The following IQCM variants were observed in gnomAD, a reference collection of about 807,000 sequenced individuals.
The protein encoded by IQCM is IQ motif containing M.
Under a neutral mutation model 57.6 loss-of-function variants are expected in IQCM, and 45 were observed. The ratio of observed to expected loss-of-function variants is 0.78; its 90% CI spans 0.62 to 1.00. The LOEUF (loss-of-function observed/expected upper bound fraction) is 1.00. IQCM is among the 50% of genes least tolerant of loss of function. The probability of loss-of-function intolerance (pLI) is 0.00; values close to 1 mark genes in which losing one functional copy is unlikely to be tolerated. For synonymous variants in IQCM, 148 were observed against 158.9 expected (o/e 0.93, Z 0.51); for missense variants, 468 against 511.6 (o/e 0.91, Z 0.82).
At chr4:149,566,041 T>G (rs1460924415) in intron 9 of IQCM, among the ~76,000 whole-genome samples, 1 of 152,228 alleles carries the variant, frequency 6.6e-6, no homozygotes, top group East Asian at 1.9e-4. Flanking sequence ...TTTGTTTGTT[T>G]AAATTAAGAC....
chr4:149,407,741 A>T (rs1257762646), intron 13 of IQCM, among the ~76,000 whole-genome samples: 1 of 152,170 alleles, frequency 6.6e-6, no homozygotes, highest in Non-Finnish European at 1.5e-5. Flanking sequence ...AGTGATGAAC[A>T]GTCAGTTTGG....
chr4:149,422,347 A>G (rs1180366149), intron 13 of IQCM, among the ~76,000 whole-genome samples: 1 of 151,952 alleles, frequency 6.6e-6, no homozygotes, highest in East Asian at 1.9e-4. Flanking sequence ...ACAGGCAACA[A>G]GTTTACAAGG....
chr4:149,383,173 T>C (rs552403564), intron 13 of IQCM, among the ~76,000 whole-genome samples: 6 of 152,172 alleles, frequency 3.9e-5, no homozygotes, highest in Admixed American at 6.6e-5. Flanking sequence ...GATTTTGATG[T>C]CTGGTTAGAT....
At chr4:149,483,797 G>C (rs551244351) in intron 12 of IQCM, among the ~76,000 whole-genome samples, 1 of 151,866 alleles carries the variant, frequency 6.6e-6, no homozygotes, top group Non-Finnish European at 1.5e-5. Flanking sequence ...TTTTTCTATA[G>C]TGCAAATCAA....
At chr4:149,421,381 G>A (rs1179238892) in intron 13 of IQCM, among the ~76,000 whole-genome samples, 1 of 151,968 alleles carries the variant, frequency 6.6e-6, no homozygotes, top group Non-Finnish European at 1.5e-5. Flanking sequence ...ACACAACGGT[G>A]ATGTGAATGT....
chr4:149,704,453 A>G lies in IQCM; in HGVS notation c.386-17985T>C, dbSNP rs183535745. On this transcript the variant is annotated intron_variant, in intron 5 of 13. Transcript: ENST00000636793. The stretch of plus-strand genomic sequence containing the variant: ...TGCTTCTGGCCACTTCCTTGCCACA[A>G]AGATATGAATAATTGTGACAGAGAT... 4.6e-5 allele frequency among the ~76,000 whole-genome samples: 7 copies of G among 152,002 alleles called. No homozygotes were observed. In the East Asian group the frequency reaches 1.4e-3, roughly 29 times the overall value.
intron 7 of IQCM, among the ~76,000 whole-genome samples, chr4:149,651,816 G>T (rs1317296923): frequency 6.6e-6 from 1 of 152,300 alleles, no homozygotes; most frequent in African/African-American, 2.4e-5. Context: ...TGCTGGTGAG[G>T]ATGTGAAGAA....
At chr4:149,550,338 C>G (rs986514398) in intron 11 of IQCM, among the ~76,000 whole-genome samples, 4 of 152,214 alleles carry the variant, frequency 2.6e-5, no homozygotes, top group Non-Finnish European at 5.9e-5. Flanking sequence ...AACAGTATTG[C>G]CTAGGATTAA....
At chr4:149,572,554 A>G (rs1751262547) in intron 9 of IQCM, among the ~76,000 whole-genome samples, 1 of 151,990 alleles carries the variant, frequency 6.6e-6, no homozygotes, top group African/African-American at 2.4e-5. Context: ...ATGTATATAT[A>G]TCAAATTTCA....
intron 12 of IQCM, among the ~76,000 whole-genome samples, chr4:149,454,183 C>T (rs1441087763): frequency 1.9e-4 from 29 of 150,148 alleles, no homozygotes; most frequent in Non-Finnish European, 1.6e-4. Flanking sequence ...CACACACACA[C>T]ACACACACAC....
chr4:149,417,706 G>C (rs571427343), intron 13 of IQCM, among the ~76,000 whole-genome samples: 1 of 152,100 alleles, frequency 6.6e-6, no homozygotes, highest in East Asian at 1.9e-4. Flanking sequence ...TGTTATGCAG[G>C]AGAAAGACAC....
chr4:149,810,527 G>A (rs547070306), intron 2 of IQCM, among the ~76,000 whole-genome samples: 10 of 151,846 alleles, frequency 6.6e-5, no homozygotes, highest in African/African-American at 2.4e-4. Flanking sequence ...TTGGCTCACT[G>A]CAACCTCTGC....
At chr4:149,573,325 G>T (rs754139773) in intron 9 of IQCM, among the ~76,000 whole-genome samples, 7 of 151,490 alleles carry the variant, frequency 4.6e-5, no homozygotes, top group Non-Finnish European at 8.8e-5. Flanking sequence ...ATCAGGAATG[G>T]ATAGGAATCA....
intron 7 of IQCM, among the ~76,000 whole-genome samples, chr4:149,666,842 A>T (rs1760774621): frequency 6.6e-6 from 1 of 152,198 alleles, no homozygotes; most frequent in Non-Finnish European, 1.5e-5. Context: ...CCACCACAGC[A>T]CCACAAAGCC....
intron 12 of IQCM, among the ~76,000 whole-genome samples, chr4:149,478,533 A>T (rs1273051109): frequency 6.6e-6 from 1 of 152,172 alleles, no homozygotes; most frequent in Non-Finnish European, 1.5e-5. Context: ...TTAAGGTATG[A>T]AAAACAATAA....
At chr4:149,666,217 C>G (rs1486888371) in intron 7 of IQCM, 2 of 152,340 alleles carry the variant, frequency 1.3e-5, no homozygotes, top group East Asian at 2.0e-4. Flanking sequence ...ATTTTTCCAA[C>G]TGAGGTACCT....
intron 2 of IQCM, among the ~76,000 whole-genome samples, chr4:149,773,193 T>C (rs1025056709): frequency 6.6e-6 from 1 of 151,838 alleles, no homozygotes; most frequent in African/African-American, 2.4e-5. Flanking sequence ...CTACTAATAA[T>C]ACAAAAACAT....
intron 13 of IQCM, among the ~76,000 whole-genome samples, chr4:149,418,895 G>T (rs1326040007): frequency 6.6e-6 from 1 of 152,066 alleles, no homozygotes; most frequent in Non-Finnish European, 1.5e-5. Flanking sequence ...CATTCAAATT[G>T]CTACAAAGAG....
chr4:149,772,377 T>C (rs1293602500), intron 2 of IQCM, among the ~76,000 whole-genome samples: 2 of 152,184 alleles, frequency 1.3e-5, no homozygotes, highest in Non-Finnish European at 2.9e-5. Flanking sequence ...TAATCTCTAC[T>C]CTGTTATATA....
Sources: allele counts gnomAD v4.1 joint callset (sites outside exome capture counted in the v4.1 genomes callset), GRCh38; gene constraint gnomAD v4.1.1; transcripts MANE v1.5; gene names NCBI Gene and HGNC (gene_info 2026-07-23, HGNC 2026-07-21).